ARHGAP17: variants seen among roughly 807,000 people sequenced by gnomAD.
ARHGAP17 encodes rho GTPase-activating protein 17.
A neutral mutation model predicts 99.5 loss-of-function variants in ARHGAP17; 57 were observed. That is an observed-to-expected ratio of 0.57 (90% CI 0.46 to 0.71). ARHGAP17 has a LOEUF of 0.71. Ranked by LOEUF, ARHGAP17 falls within the 30% of genes least tolerant of loss-of-function variation. The pLI, the probability that ARHGAP17 is intolerant of heterozygous loss-of-function variation, is 0.00. For synonymous variants in ARHGAP17, 417 were observed against 429.6 expected (o/e 0.97, Z 0.36); for missense variants, 1,000 against 1,122.4 (o/e 0.89, Z 1.56).
chr16:24,958,978 A>T (rs1253459946), intron 9 of ARHGAP17, among the ~76,000 whole-genome samples: 2 of 152,046 alleles, frequency 1.3e-5, no homozygotes, highest in Non-Finnish European at 2.9e-5. Flanking sequence ...ATGGTAAATC[A>T]GAGAGACACA....
intron 19 of ARHGAP17, among the ~76,000 whole-genome samples, chr16:24,930,136 C>T (rs2050943432): frequency 6.6e-6 from 1 of 152,176 alleles, no homozygotes; most frequent in Admixed American, 6.5e-5. Context: ...CCACTAAAAC[C>T]TGTACAATCA....
At chr16:24,940,114 C>A (rs185066185) in intron 16 of ARHGAP17, among the ~76,000 whole-genome samples, 9 of 152,114 alleles carry the variant, frequency 5.9e-5, no homozygotes, top group African/African-American at 2.2e-4. Flanking sequence ...TGTAGAGATG[C>A]GGTCTCACTA....
At position 24,952,392 on chromosome 16, in the gene ARHGAP17, T is replaced by C. The variant is rs754793127; in HGVS notation, c.965-22A>G. The C allele has an allele frequency of 3.8e-6, 6 of 1,590,154 alleles. No homozygotes were observed. The African/African-American group carries it at 6.7e-5, about 18-fold the overall frequency. On this transcript the variant is annotated intron_variant, in intron 11 of 19. Coordinates refer to ENST00000289968, the MANE Select transcript of ARHGAP17 (RefSeq NM_001006634.3). ...GCACCTGAAATCATTAACACTCTCT[T>C]TGAGTATGAAAAAGGGGTAAGGCTA... is the stretch of plus-strand genomic sequence containing the variant.
At chr16:24,982,984 ATATATATATATATTTTTTTT>A (rs1409499201) in intron 1 of ARHGAP17, among the ~76,000 whole-genome samples, 98 of 28,016 alleles carry the variant, frequency 3.5e-3, no homozygotes, top group African/African-American at 0.011. Flanking sequence ...ATATATATAT[ATATATATATATATTTTTTTT>A]TTTTTTTTTT....
At chr16:24,998,466 G>A (rs1057445541) in intron 1 of ARHGAP17, among the ~76,000 whole-genome samples, 3 of 152,038 alleles carry the variant, frequency 2.0e-5, no homozygotes, top group Non-Finnish European at 2.9e-5. Flanking sequence ...GTCAACCTGG[G>A]CCTCAGACAC....
intron 1 of ARHGAP17, among the ~76,000 whole-genome samples, chr16:25,001,803 G>C (rs576455418): frequency 6.6e-6 from 1 of 152,266 alleles, no homozygotes; most frequent in East Asian, 1.9e-4. Flanking sequence ...ACTGATGCAG[G>C]CTAGGTGCAG....
intron 18 of ARHGAP17, among the ~76,000 whole-genome samples, chr16:24,933,469 G>T (rs868639212): frequency 6.7e-6 from 1 of 149,948 alleles, no homozygotes; most frequent in African/African-American, 2.5e-5. Flanking sequence ...GTGAGAAAAC[G>T]AGACCCTGCC....
At chr16:24,967,716 A>C (rs1003558525) in intron 6 of ARHGAP17, among the ~76,000 whole-genome samples, 36 of 145,168 alleles carry the variant, frequency 2.5e-4, no homozygotes, top group Non-Finnish European at 3.5e-4. Flanking sequence ...TGAGCCTGGG[A>C]GTCTGAGGCT....
intron 18 of ARHGAP17, among the ~76,000 whole-genome samples, chr16:24,933,224 C>G (rs561288628): frequency 6.6e-6 from 1 of 151,392 alleles, no homozygotes; most frequent in African/African-American, 2.4e-5. Flanking sequence ...AGGGTAAAGT[C>G]TCGGTGGCTC....
intron 3 of ARHGAP17, among the ~76,000 whole-genome samples, chr16:24,974,172 T>A (rs114608184): frequency 0.018 from 2,797 of 152,356 alleles, 82 homozygotes; most frequent in African/African-American, 0.063. Flanking sequence ...GGCTCACGCC[T>A]ATAACCCCAG....
chr16:24,923,726 TTA>T (rs1491183827), intron 19 of ARHGAP17, among the ~76,000 whole-genome samples: 38 of 85,006 alleles, frequency 4.5e-4, no homozygotes, highest in Admixed American at 2.8e-3. Context: ...TCTCTTTTTT[TTA>T]AAAAAAAAAA....
At chr16:24,992,726 TA>T (rs1268906364) in intron 1 of ARHGAP17, among the ~76,000 whole-genome samples, 1 of 152,226 alleles carries the variant, frequency 6.6e-6, no homozygotes, top group Non-Finnish European at 1.5e-5. Context: ...ATAAATACAG[TA>T]CTCCTGTTCA....
Position 24,949,420 on chromosome 16 carries a change from T to A in ARHGAP17, c.1111A>T (p.Asn371Tyr). Residue 371 changes from asparagine (N) to tyrosine (Y), a missense_variant, in exon 13 of 20, where the codon AAT becomes TAT. By Grantham distance (143) the Asn-to-Tyr change is moderately radical. Coordinates refer to ENST00000289968, the MANE Select transcript of ARHGAP17 (RefSeq NM_001006634.3). ...WRTCQKLPPQ[N>Y]FVNFRYLIKF... ...CATACATACCTAAAGTTAACAAAAT[T>A]TTGTGGTGGCAACTTCTGACATGTT... 6.2e-7 allele frequency: 1 copy of A among 1,613,824 alleles called. No individual in the cohort carries two copies.
intron 1 of ARHGAP17, among the ~76,000 whole-genome samples, chr16:24,986,326 T>C (rs72772311): frequency 0.056 from 8,596 of 152,210 alleles, 342 homozygotes; most frequent in Middle Eastern, 0.13. Flanking sequence ...TAAGTGGGAT[T>C]GTGGGATTCA....
intron 6 of ARHGAP17, 67 bp downstream of exon 6, chr16:24,968,284 T>C: frequency 1.3e-6 from 2 of 1,564,474 alleles, no homozygotes; most frequent in Non-Finnish European, 1.8e-6. Flanking sequence ...TTGTGTCCAC[T>C]GTCAGTGGTC....
At chr16:24,937,694 CATTCAGT>C (rs2051180467) in intron 17 of ARHGAP17, among the ~76,000 whole-genome samples, 1 of 152,108 alleles carries the variant, frequency 6.6e-6, no homozygotes, top group Non-Finnish European at 1.5e-5. Flanking sequence ...AAGCATTCAG[CATTCAGT>C]TTTAATGGTG....
At chr16:24,982,462 G>C (rs750506389) in intron 1 of ARHGAP17, among the ~76,000 whole-genome samples, 1 of 152,104 alleles carries the variant, frequency 6.6e-6, no homozygotes, top group Non-Finnish European at 1.5e-5. Flanking sequence ...GATTAAAAGT[G>C]ATCTATAATT....
chr16:24,939,299 G>C (rs1484819408), intron 17 of ARHGAP17, 65 bp downstream of exon 17: 1 of 1,447,288 alleles, frequency 6.9e-7, no homozygotes, highest in African/African-American at 1.4e-5. Flanking sequence ...CGTGCTCAAA[G>C]GCCACCACCT....
At position 24,977,226 on chromosome 16, in the gene ARHGAP17, C is replaced by T. The variant is rs2052546094; in HGVS notation, c.187G>A (p.Glu63Lys). 6.3e-7 allele frequency: 1 copy of T among 1,582,046 alleles called. No homozygotes were observed. The highest frequency in any genetic ancestry group is 2.3e-5 in the East Asian group (1 of 44,012). The stretch of plus-strand genomic sequence containing the variant: ...CATCTGATACTCACGTGTCTCCTCT[C>T]GGCATCGGTGCCATGCTGGCCCTGG... ...CFQGQHGTDA[E>K]RRHKKLPLTA... Residue 63 changes from glutamate to lysine, a missense_variant, in exon 3 of 20, where the codon GAG becomes AAG. By Grantham distance (56) the Glu-to-Lys change is moderately conservative. Transcript: ENST00000289968.
Sources: gnomAD v4.1 joint callset for allele counts (sites outside exome capture counted in the v4.1 genomes callset) on GRCh38, gnomAD v4.1.1 for gene constraint, MANE v1.5 for transcripts, NCBI Gene and HGNC (gene_info 2026-07-23, HGNC 2026-07-21) for gene names.